NEURL1B: variants seen among roughly 807,000 people sequenced by gnomAD.
NEURL1B encodes E3 ubiquitin-protein ligase NEURL1B.
In NEURL1B, 13 loss-of-function variants were observed where a neutral mutation model predicts 37.4. That is an observed-to-expected ratio of 0.35 (90% CI 0.23 to 0.55). NEURL1B has a LOEUF of 0.55. Ranked by LOEUF, NEURL1B falls within the 20% of genes least tolerant of loss-of-function variation. The pLI is 0.89. For synonymous variants in NEURL1B, 432 were observed against 426.6 expected (o/e 1.01, Z -0.16); for missense variants, 790 against 879.2 (o/e 0.90, Z 1.28).
chr5:172,684,826 G>C (rs1410583310), intron 3 of NEURL1B, among the ~76,000 whole-genome samples: 1 of 152,200 alleles, frequency 6.6e-6, no homozygotes, highest in Non-Finnish European at 1.5e-5. Context: ...TGTGACATTT[G>C]CTACAGCCGG....
At position 172,683,834 on chromosome 5, in the gene NEURL1B, G is replaced by A; in HGVS notation, c.993G>A (p.Gly331=). The A allele has an allele frequency of 2.3e-6, 3 of 1,328,390 alleles. No individual in the cohort carries two copies. The highest frequency in any genetic ancestry group is 9.7e-7 in the Non-Finnish European group (1 of 1,035,858). The allele number at this position is 1,328,390 out of a possible 1,614,324, so 82.3% of individuals were successfully genotyped here. A position where few individuals can be genotyped will look rare whatever the true frequency, so the allele number is the denominator to read the frequency against. The change falls in exon 3 of 5, where the codon GGG becomes GGA. Residue 331 remains glycine, a synonymous_variant. Transcript: ENST00000369800. This position sits in a 1 kb window ranked among gnomAD's most constrained non-coding sequence, Gnocchi z 5.6. ...TCTTCGTGGAGGTGGGCCGTCCGGG[G>A]CTGGCGGCGCCCGGCGCGCTGGCCT... ...ESLFVEVGRP[G]LAAPGALAFG... is the part of the protein sequence containing the mutation.
In NEURL1B at chr5:172,677,170, G is replaced by A. The variant is rs560921928; in HGVS notation, c.578-6249G>A. The stretch of plus-strand genomic sequence containing the variant: ...CAGGCAGAGCCCCAGTGGGAGCCAC[G>A]CGGAGTCATTAGCTTTGCGGTTAAT... On this transcript the variant is annotated intron_variant, in intron 2 of 4. Transcript: ENST00000369800. 9.9e-5 allele frequency among the ~76,000 whole-genome samples: 15 copies of A among 152,134 alleles called. No homozygotes were observed. The South Asian group carries it at 1.2e-3, about 13-fold the overall frequency.
At chr5:172,659,094 G>A (rs1757849440) in intron 1 of NEURL1B, among the ~76,000 whole-genome samples, 1 of 135,072 alleles carries the variant, frequency 7.4e-6, no homozygotes, top group Non-Finnish European at 1.5e-5. Context: ...CACCCTCTGT[G>A]CCAGAAGGTG....
At chr5:172,649,345 CTTTTTTTTTTTTTTTTTTTTTTTT>C (rs70984904) in intron 1 of NEURL1B, among the ~76,000 whole-genome samples, 1 of 65,164 alleles carries the variant, frequency 1.5e-5, no homozygotes, top group African/African-American at 6.7e-5. Context: ...CCCTTCACTT[CTTTTTTTTTTTTTTTTTTTTTTTT>C]TTTTTTTTTT....
At chr5:172,655,560 ACAC>A (rs1483831921) in intron 1 of NEURL1B, among the ~76,000 whole-genome samples, 4 of 152,120 alleles carry the variant, frequency 2.6e-5, no homozygotes, top group African/African-American at 9.7e-5. Context: ...TCCACACACA[ACAC>A]CACCAGCAGG....
Position 172,683,409 on chromosome 5 carries a change from G to C in NEURL1B, c.578-10G>C, listed in dbSNP as rs889933381. On this transcript the variant is annotated splice_polypyrimidine_tract_variant and intron_variant, in intron 2 of 4. Transcript: ENST00000369800. The surrounding 1 kb of genome is among the most constrained non-coding windows in gnomAD (Gnocchi z 5.6). ...TCTCCCCCTCCATGTCCCTCCCTTT[G>C]TCCGCACAGAGAGCGCCTTCGCTGA... 7.5e-6 allele frequency: 10 copies of C among 1,338,836 alleles called. No individual in the cohort carries two copies. The highest frequency in any genetic ancestry group is 8.7e-6 in the Non-Finnish European group (9 of 1,038,904). The allele number at this position is 1,338,836 out of a possible 1,614,324, so 82.9% of individuals were successfully genotyped here.
chr5:172,670,329 G>A lies in NEURL1B; in HGVS notation c.576G>A (p.Leu192=). Residue 192 remains leucine (L), a splice_region_variant and synonymous_variant, in exon 2 of 5, where the codon CTG becomes CTA. Transcript: ENST00000369800. The part of the protein sequence containing the change: ...VYGITDEVQL[L]ESAFADTLTP... ...GCATCACCGACGAGGTGCAGCTTCT[G>A]GGTAGGTCGCGGGCGCGGCGCCCCC... 7.4e-7 allele frequency: 1 copy of A among 1,355,520 alleles called. No homozygotes were observed. Among genetic ancestry groups the A allele is most frequent in the Non-Finnish European group, 9.5e-7 (1 of 1,057,578 alleles). The allele number at this position is 1,355,520 out of a possible 1,614,324, so 84.0% of individuals were successfully genotyped here.
chr5:172,662,251 AG>A, intron 1 of NEURL1B: 1 of 154,308 alleles, frequency 6.5e-6, no homozygotes, highest in Non-Finnish European at 1.5e-5. Context: ...GGGCTGGGGC[AG>A]GGGGAACAGA....
chr5:172,678,461 C>T (rs975953216), intron 2 of NEURL1B, among the ~76,000 whole-genome samples: 4 of 152,206 alleles, frequency 2.6e-5, no homozygotes, highest in African/African-American at 9.7e-5. Context: ...TGAACATGCT[C>T]GGACACAACT....
At position 172,683,424 on chromosome 5, in the gene NEURL1B, G is replaced by A; in HGVS notation, c.583G>A (p.Ala195Thr). Residue 195 changes from alanine (A) to threonine (T), a missense_variant, in exon 3 of 5, where the codon GCC becomes ACC. Physicochemically the swap from Ala to Thr is moderately conservative, Grantham distance 58. Transcript: ENST00000369800. This position sits in a 1 kb window ranked among gnomAD's most constrained non-coding sequence, Gnocchi z 5.6. ...CCCTCCCTTTGTCCGCACAGAGAGCGCCTTCGCTGACACGCTGACGCCCGC... is the reference window on the plus strand; with the variant it reads ...CCCTCCCTTTGTCCGCACAGAGAGCACCTTCGCTGACACGCTGACGCCCGC... ...ITDEVQLLES[A>T]FADTLTPARL... 2 of 1,394,548 alleles carry A rather than the reference G, an allele frequency of 1.4e-6. No homozygotes were observed. Among genetic ancestry groups the A allele is most frequent in the African/African-American group, 1.5e-5 (1 of 66,826 alleles). 86.4% of individuals were successfully genotyped at this position (1,394,548 alleles called of 1,614,324 possible).
intron 3 of NEURL1B, 108 bp downstream of exon 3, chr5:172,684,246 C>T (rs1758436582): frequency 3.1e-6 from 3 of 978,734 alleles, no homozygotes; most frequent in Non-Finnish European, 3.9e-6. Context: ...GGCGCTGCAC[C>T]GCCCGAGGCC....
At chr5:172,674,780 C>A (rs74589084) in intron 2 of NEURL1B, among the ~76,000 whole-genome samples, 10,520 of 152,176 alleles carry the variant, frequency 0.069, 409 homozygotes, top group African/African-American at 0.098. Flanking sequence ...GCCATGTAGA[C>A]CCTGTCTCTT....
In NEURL1B at chr5:172,661,404, G is replaced by A. The variant is rs1363015338; in HGVS notation, c.32-8381G>A. 1.3e-5 allele frequency among the ~76,000 whole-genome samples: 2 copies of A among 152,160 alleles called. No homozygotes were observed. Among genetic ancestry groups the A allele is most frequent in the Non-Finnish European group, 2.9e-5 (2 of 68,014 alleles). On this transcript the variant is annotated intron_variant, in intron 1 of 4. Transcript: ENST00000369800. The surrounding 1 kb of genome is among the most constrained non-coding windows in gnomAD (Gnocchi z 4.0). ...ACAAGGTCCATGAACCATTCCCCAC[G>A]CCCCGCCAACCCAAAAGTTATGGCA...
Position 172,676,063 on chromosome 5 carries a change from C to A in NEURL1B, c.577+5733C>A, listed in dbSNP as rs1758226962. Among the ~76,000 whole-genome samples, 1 of 150,710 alleles carries A rather than the reference C, an allele frequency of 6.6e-6. No individual in the cohort carries two copies. Among genetic ancestry groups the A allele is most frequent in the African/African-American group, 2.4e-5 (1 of 40,828 alleles). On this transcript the variant is annotated intron_variant, in intron 2 of 4. Coordinates refer to ENST00000369800, the MANE Select transcript of NEURL1B (RefSeq NM_001142651.3). This position sits in a 1 kb window ranked among gnomAD's most constrained non-coding sequence, Gnocchi z 4.5. The stretch of plus-strand genomic sequence containing the variant: ...TGGGAAGCTGGTCAGATTGAAAAAG[C>A]AATGCCAGTCGGGGGTCATGGCATA...
intron 1 of NEURL1B, among the ~76,000 whole-genome samples, chr5:172,650,273 C>T (rs1757637441): frequency 6.6e-6 from 1 of 152,162 alleles, no homozygotes. Flanking sequence ...AGCTTCCCTT[C>T]CCTTAAAGTT....
At chr5:172,653,796 T>C (rs1263657658) in intron 1 of NEURL1B, among the ~76,000 whole-genome samples, 3 of 152,248 alleles carry the variant, frequency 2.0e-5, no homozygotes, top group Admixed American at 2.0e-4. Flanking sequence ...GAGGCCTAAT[T>C]ACTTTTAAAT....
chr5:172,652,535 C>A, intron 1 of NEURL1B, among the ~76,000 whole-genome samples: 1 of 152,176 alleles, frequency 6.6e-6, no homozygotes, highest in South Asian at 2.1e-4. Context: ...CCGGTTGGGG[C>A]AGTCCATCCT....
At chr5:172,677,242 A>C (rs1581435917) in intron 2 of NEURL1B, among the ~76,000 whole-genome samples, 1 of 152,206 alleles carries the variant, frequency 6.6e-6, no homozygotes, top group South Asian at 2.1e-4. Context: ...TCCTCACCCC[A>C]GCGTAAATCA....
In NEURL1B at chr5:172,657,432, T is replaced by C. The variant is rs1561643547; in HGVS notation, c.32-12353T>C. Among the ~76,000 whole-genome samples the C allele has an allele frequency of 6.6e-6, 1 of 152,176 alleles. No homozygotes were observed. The highest frequency in any genetic ancestry group is 6.5e-5 in the Admixed American group (1 of 15,278). The stretch of plus-strand genomic sequence containing the variant: ...GAATAGTCATAATACAAATTAGATA[T>C]AGAGATGATCATGGACAATTATCAA... On this transcript the variant is annotated intron_variant, in intron 1 of 4. Coordinates refer to ENST00000369800, the MANE Select transcript of NEURL1B (RefSeq NM_001142651.3). This position sits in a 1 kb window ranked among gnomAD's most constrained non-coding sequence, Gnocchi z 4.0.
Sources: gnomAD v4.1 joint callset for allele counts (sites outside exome capture counted in the v4.1 genomes callset) on GRCh38, gnomAD v4.1.1 for gene constraint, Gnocchi (gnomAD v3.1) non-coding constraint, MANE v1.5 for transcripts, NCBI Gene and HGNC (gene_info 2026-07-23, HGNC 2026-07-21) for gene names.